The following CCK variants were observed in gnomAD, a reference collection of about 807,000 sequenced individuals.
CCK encodes cholecystokinin.
In CCK, 11 loss-of-function variants were observed where a neutral mutation model predicts 10.1. The observed-to-expected ratio is 1.09, with a 90% confidence interval of 0.69 to 1.81. The LOEUF is 1.81. Among genes scored for constraint, CCK ranks in the 40% most tolerant of loss-of-function variants. The probability of loss-of-function intolerance (pLI) is 0.00; values close to 1 mark genes in which losing one functional copy is unlikely to be tolerated. For synonymous variants in CCK, 83 were observed against 71.9 expected, an observed-to-expected ratio of 1.15 and a Z score of -0.78; for missense variants, 137 against 159.9, an observed-to-expected ratio of 0.86 and a Z score of 0.77.
chr3:42,264,216 C>A lies in CCK; in HGVS notation c.-3+481G>T, dbSNP rs143548809. 1.2e-3 allele frequency among the ~76,000 whole-genome samples: 189 copies of A among 152,288 alleles called. 1 individual carries two copies. The Middle Eastern group carries it at 0.024, about 19-fold the overall frequency. On this transcript the variant is annotated intron_variant, in intron 3 of 4. Coordinates refer to ENST00000396169, the MANE Select transcript of CCK (RefSeq NM_000729.6). ...AATAAGCCACTACGCAGAACATAGGCAGGTTTTAAAATCAGAAATATGTGC... is the reference window on the plus strand; with the variant it reads ...AATAAGCCACTACGCAGAACATAGGAAGGTTTTAAAATCAGAAATATGTGC...
At position 42,263,527 on chromosome 3, in the gene CCK, C is replaced by A. The variant is rs758894615; in HGVS notation, c.104G>T (p.Arg35Leu). Reference protein sequence around the residue: ...PADPAGSGLQRAEEAPRRQLR... With the variant: ...PADPAGSGLQLAEEAPRRQLR... ...CTGCCTACGGGGCGCCTCCTCTGCC[C>A]GCTGCAGCCCGGAGCCCGCGGGATC... Residue 35 changes from arginine (R) to leucine (L), a missense_variant, in exon 4 of 5, where the codon CGG (arginine) becomes CTG (leucine). Physicochemically the swap from Arg to Leu is moderately radical, Grantham distance 102. Transcript: ENST00000396169. 5 of 1,613,350 alleles carry A rather than the reference C, an allele frequency of 3.1e-6. No individual in the cohort carries two copies. In the East Asian group the frequency reaches 1.1e-4, roughly 36 times the overall value.
At chr3:42,260,298 C>T (rs1577101555) in intron 4 of CCK, among the ~76,000 whole-genome samples, 1 of 152,178 alleles carries the variant, frequency 6.6e-6, no homozygotes, top group South Asian at 2.1e-4. Context: ...AACCTATAGA[C>T]CCAGTTACCT....
intron 3 of CCK, among the ~76,000 whole-genome samples, 180 bp downstream of exon 3, chr3:42,264,517 C>G (rs1250687980): frequency 2.0e-5 from 3 of 152,048 alleles, no homozygotes; most frequent in Non-Finnish European, 4.4e-5. Context: ...GCTCTACCCA[C>G]CCAGACCTCA....
At chr3:42,259,121 A>G (rs1024349457) in intron 4 of CCK, among the ~76,000 whole-genome samples, 1 of 151,700 alleles carries the variant, frequency 6.6e-6, no homozygotes, top group East Asian at 2.0e-4. Context: ...CAAACACCGC[A>G]TGTTCTCACT....
At chr3:42,263,348 A>G (rs1170961960) in intron 4 of CCK, 69 bp downstream of exon 4, 4 of 1,611,288 alleles carry the variant, frequency 2.5e-6, no homozygotes, top group Non-Finnish European at 3.4e-6. Flanking sequence ...CTAGCGCTAG[A>G]GAAGAGGGTC....
chr3:42,263,657 G>T (rs1397646588), intron 3 of CCK, 25 bp from the exon 4 acceptor site: 4 of 1,501,696 alleles, frequency 2.7e-6, no homozygotes, highest in Non-Finnish European at 3.6e-6. Flanking sequence ...GGAGGAGGGC[G>T]CGTTAACTGA....
chr3:42,264,954 C>T (rs11571842), intron 2 of CCK, 47 bp from the exon 3 acceptor site: 78,865 of 152,190 alleles, frequency 0.52, 20,587 homozygotes, highest in South Asian at 0.63. Context: ...TTAATCCCTC[C>T]CACGCGCGGT....
chr3:42,263,123 C>T, intron 4 of CCK: 1 of 505,380 alleles, frequency 2.0e-6, no homozygotes, highest in Non-Finnish European at 3.6e-6. Flanking sequence ...ATCTAGGAAC[C>T]CTTTCCTAGG....
Position 42,258,197 on chromosome 3 carries a change from C to T in CCK, c.249G>A (p.Leu83=), listed in dbSNP as rs757182301. The T allele has an allele frequency of 1.2e-6, 2 of 1,614,076 alleles. No individual in the cohort carries two copies. Among genetic ancestry groups the T allele is most frequent in the South Asian group, 1.1e-5 (1 of 91,064 alleles). Residue 83 remains leucine (L), a synonymous_variant, in exon 5 of 5, where the codon CTG becomes CTA. Coordinates refer to ENST00000396169, the MANE Select transcript of CCK (RefSeq NM_000729.6). ...TCCTGTGGCTGGGGTCCAGGTTCTG[C>T]AGGTTCTTAACGATGGACATTCGTC... ...PSGRMSIVKN[L]QNLDPSHRIS...
intron 4 of CCK, 111 bp from the exon 5 acceptor site, chr3:42,258,342 C>T: frequency 1.7e-6 from 2 of 1,168,436 alleles, no homozygotes; most frequent in Non-Finnish European, 2.4e-6. Flanking sequence ...ACAGACACCA[C>T]CTTAAAGGTA....
chr3:42,260,381 G>A (rs1046813743), intron 4 of CCK, among the ~76,000 whole-genome samples: 1 of 152,128 alleles, frequency 6.6e-6, no homozygotes, highest in African/African-American at 2.4e-5. Flanking sequence ...TAAGGCCTGG[G>A]CACAACCCAA....
chr3:42,263,499 C>T lies in CCK; in HGVS notation c.132G>A (p.Leu44=), dbSNP rs1454049794. ...CGCCATCCGTTCTCTGCGATACCCT[C>T]AGCTGCCTACGGGGCGCCTCCTCTG... ...QRAEEAPRRQ[L]RVSQRTDGES... Residue 44 remains leucine (L), a synonymous_variant, in exon 4 of 5, where the codon CTG becomes CTA. Coordinates refer to ENST00000396169, the MANE Select transcript of CCK (RefSeq NM_000729.6). 1 of 1,614,066 alleles carries T rather than the reference C, an allele frequency of 6.2e-7. No homozygotes were observed. Among genetic ancestry groups the T allele is most frequent in the Non-Finnish European group, 8.5e-7 (1 of 1,179,992 alleles).
chr3:42,259,118 C>T (rs958737224), intron 4 of CCK, among the ~76,000 whole-genome samples: 8 of 151,932 alleles, frequency 5.3e-5, no homozygotes, highest in South Asian at 2.1e-4. Context: ...GACCAAACAC[C>T]GCATGTTCTC....
intron 1 of CCK, 94 bp from the exon 2 acceptor site, chr3:42,265,531 C>G (rs1208614527): frequency 6.6e-6 from 1 of 152,212 alleles, no homozygotes; most frequent in Non-Finnish European, 1.5e-5. Context: ...TACCACCACC[C>G]GCGGCGCCCA....
Position 42,263,626 on chromosome 3 carries a change from T to C in CCK, c.5A>G (p.Asn2Ser). 1 of 1,589,310 alleles carries C rather than the reference T, an allele frequency of 6.3e-7. No homozygotes were observed. Among genetic ancestry groups the C allele is most frequent in the Non-Finnish European group, 8.6e-7 (1 of 1,167,570 alleles). Residue 2 changes from asparagine (N) to serine (S), a missense_variant, in exon 4 of 5, where the codon AAC (asparagine) becomes AGC (serine). Asn to Ser is a conservative substitution (Grantham distance 46, BLOSUM62 1). Transcript: ENST00000396169. M[N>S]SGVCLCVLMA... ...CAGCACGCACAGGCACACGCCGCTGTTCATGGCTGTAGCGAGCAAAGGAGG... is the reference window on the plus strand; with the variant it reads ...CAGCACGCACAGGCACACGCCGCTGCTCATGGCTGTAGCGAGCAAAGGAGG...
intron 3 of CCK, 167 bp from the exon 4 acceptor site, chr3:42,263,799 C>T (rs1422417196): frequency 8.1e-7 from 1 of 1,236,652 alleles, no homozygotes; most frequent in Non-Finnish European, 1.1e-6. Context: ...AGCCGAGTGC[C>T]ATGGCGCGCG....
rs571111104 is a variant in CCK, at chr3:42,265,779, C to G, written c.-478G>C. ...GAAGGGAGGCACCGAGGCTGCCGTG[C>G]GCCTTTCCCTGCACGCGGTTACTCT... On this transcript the variant is annotated 5_prime_UTR_variant, in exon 1 of 5. Transcript: ENST00000396169. 6.6e-6 allele frequency: 1 copy of G among 152,310 alleles called. No individual in the cohort carries two copies. Among genetic ancestry groups the G allele is most frequent in the East Asian group, 1.9e-4 (1 of 5,184 alleles). The allele number at this position is 152,310 out of a possible 1,614,324, so 9.4% of individuals were successfully genotyped here. A position where few individuals can be genotyped will look rare whatever the true frequency, so the allele number is the denominator to read the frequency against.
chr3:42,258,216 A>G lies in CCK; in HGVS notation c.230T>C (p.Met77Thr), dbSNP rs1711164885. Residue 77 changes from methionine (M) to threonine (T), a missense_variant, in exon 5 of 5, where the codon ATG becomes ACG. Physicochemically the swap from Met to Thr is moderately conservative, Grantham distance 81 (BLOSUM62 -1). Transcript: ENST00000396169. ...GTTCTGCAGGTTCTTAACGATGGAC[A>G]TTCGTCCAGAAGGAGCTACAAGGAG... ...QQARKAPSGRMSIVKNLQNLD... is the reference protein window; with the variant it reads ...QQARKAPSGRTSIVKNLQNLD... 2 of 1,614,074 alleles carry G rather than the reference A, an allele frequency of 1.2e-6. No homozygotes were observed. The highest frequency in any genetic ancestry group is 1.7e-5 in the Admixed American group (1 of 60,006).
intron 4 of CCK, among the ~76,000 whole-genome samples, chr3:42,259,225 T>G (rs563684321): frequency 3.4e-4 from 51 of 151,960 alleles, no homozygotes; most frequent in Non-Finnish European, 6.3e-4. Flanking sequence ...AGGGGAGGGA[T>G]AGCATTAGGG....
Sources: allele counts gnomAD v4.1 joint callset (sites outside exome capture counted in the v4.1 genomes callset), GRCh38; gene constraint gnomAD v4.1.1; transcripts MANE v1.5; gene names NCBI Gene and HGNC (gene_info 2026-07-23, HGNC 2026-07-21).